Variants in ZFAND3 observed in about 807,000 individuals in gnomAD.
ZFAND3 encodes the protein zinc finger AN1-type containing 3.
Under a neutral mutation model 29.6 loss-of-function variants are expected in ZFAND3, and 10 were observed. That is an observed-to-expected ratio of 0.34 (90% CI 0.21 to 0.57). The LOEUF (loss-of-function observed/expected upper bound fraction) is 0.57. Among genes scored for constraint, ZFAND3 ranks in the 20% least tolerant of loss-of-function variants. The pLI is 0.86. For synonymous variants in ZFAND3, 128 were observed against 112.6 expected (o/e 1.14, Z -0.87); for missense variants, 230 against 304.5 (o/e 0.76, Z 1.82).
At chr6:38,070,354 G>A (rs574488424) in intron 3 of ZFAND3, among the ~76,000 whole-genome samples, 1 of 151,718 alleles carries the variant, frequency 6.6e-6, no homozygotes, top group African/African-American at 2.4e-5. Flanking sequence ...AACCCGAGAG[G>A]CGAAGGTTGC....
chr6:38,043,549 C>T (rs1340637200), intron 2 of ZFAND3, among the ~76,000 whole-genome samples: 1 of 149,718 alleles, frequency 6.7e-6, no homozygotes, highest in Non-Finnish European at 1.5e-5. Flanking sequence ...CCTTTTCTCC[C>T]CTCTTCCTCC....
intron 1 of ZFAND3, among the ~76,000 whole-genome samples, chr6:37,916,558 G>A (rs1385796006): frequency 1.3e-5 from 2 of 152,156 alleles, no homozygotes; most frequent in African/African-American, 4.8e-5. Context: ...TACTCAGGAG[G>A]CTGAGGCAGG....
chr6:37,835,543 A>G (rs1763951853), intron 1 of ZFAND3, among the ~76,000 whole-genome samples: 1 of 142,562 alleles, frequency 7.0e-6, no homozygotes, highest in Admixed American at 7.1e-5. Flanking sequence ...ATGGTTTTGT[A>G]TTATTTTAAA....
intron 2 of ZFAND3, among the ~76,000 whole-genome samples, chr6:37,943,559 A>G (rs986289854): frequency 5.3e-5 from 8 of 152,164 alleles, no homozygotes; most frequent in Non-Finnish European, 8.8e-5. Flanking sequence ...ATCTTTCTCA[A>G]AAATTATTTT....
chr6:38,121,233 A>G (rs758471220), intron 5 of ZFAND3, among the ~76,000 whole-genome samples: 3 of 152,168 alleles, frequency 2.0e-5, no homozygotes, highest in Non-Finnish European at 4.4e-5. Flanking sequence ...AATTATTGCC[A>G]GGCAAGATGG....
chr6:38,144,231 A>ATTT (rs67159019), intron 5 of ZFAND3, among the ~76,000 whole-genome samples: 9 of 75,272 alleles, frequency 1.2e-4, no homozygotes, highest in African/African-American at 3.4e-4. Context: ...ATATATATAT[A>ATTT]TTTTTTTTTT....
At chr6:37,982,919 C>T (rs748994177) in intron 2 of ZFAND3, among the ~76,000 whole-genome samples, 3 of 151,942 alleles carry the variant, frequency 2.0e-5, no homozygotes, top group Non-Finnish European at 4.4e-5. Context: ...TGATCCTTAC[C>T]CTGTGTTGAC....
At chr6:37,838,782 G>C (rs1764015942) in intron 1 of ZFAND3, among the ~76,000 whole-genome samples, 1 of 152,106 alleles carries the variant, frequency 6.6e-6, no homozygotes, top group South Asian at 2.1e-4. Context: ...GTGAACATTT[G>C]TTTACAAGTT....
intron 2 of ZFAND3, among the ~76,000 whole-genome samples, chr6:37,996,662 T>C (rs1326655807): frequency 1.3e-5 from 2 of 152,174 alleles, no homozygotes; most frequent in Non-Finnish European, 2.9e-5. Context: ...ACTAATATTG[T>C]AAGAGAAAAA....
intron 5 of ZFAND3, among the ~76,000 whole-genome samples, chr6:38,127,729 A>G (rs1487282948): frequency 1.3e-5 from 2 of 151,802 alleles, no homozygotes; most frequent in Non-Finnish European, 2.9e-5. Context: ...GAAAACCAAG[A>G]TCGAAAAGGT....
At chr6:37,947,882 T>C (rs1379898837) in intron 2 of ZFAND3, among the ~76,000 whole-genome samples, 1 of 152,220 alleles carries the variant, frequency 6.6e-6, no homozygotes, top group Non-Finnish European at 1.5e-5. Context: ...CATTGGAGCA[T>C]TTAGCTTAGT....
At chr6:37,916,541 TC>T (rs1047438046) in intron 1 of ZFAND3, among the ~76,000 whole-genome samples, 58 of 152,160 alleles carry the variant, frequency 3.8e-4, no homozygotes, top group Admixed American at 1.5e-3. Context: ...GTGCCTGTAA[TC>T]CCAGCTACTC....
At chr6:37,925,536 C>T (rs1316914379) in intron 1 of ZFAND3, among the ~76,000 whole-genome samples, 1 of 152,058 alleles carries the variant, frequency 6.6e-6, no homozygotes. Context: ...AAACCTGTCT[C>T]TACTAAAAAA....
At chr6:38,062,850 C>T (rs1053930546) in intron 3 of ZFAND3, among the ~76,000 whole-genome samples, 2 of 152,092 alleles carry the variant, frequency 1.3e-5, no homozygotes, top group East Asian at 3.9e-4. Context: ...CTCTACTTGG[C>T]CAAGCCAGGA....
In ZFAND3 at chr6:38,103,494, C is replaced by T. The variant is rs200236392; in HGVS notation, c.362-13078C>T. ...GTATATATATACACACATATATACACGTGTATATATATACACGTGTATATA... is the reference window on the plus strand; with the variant it reads ...GTATATATATACACACATATATACATGTGTATATATATACACGTGTATATA... On this transcript the variant is annotated intron_variant, in intron 4 of 5. Coordinates refer to ENST00000287218, the MANE Select transcript of ZFAND3 (RefSeq NM_021943.3). 2.3e-3 allele frequency among the ~76,000 whole-genome samples: 54 copies of T among 23,674 alleles called. No homozygotes were observed. In the East Asian group the frequency reaches 0.024, roughly 10 times the overall value. 15.5% of individuals were successfully genotyped at this position (23,674 alleles called of 152,430 possible). A position where few individuals can be genotyped will look rare whatever the true frequency, so the allele number is the denominator to read the frequency against.
intron 2 of ZFAND3, among the ~76,000 whole-genome samples, chr6:38,019,044 C>T (rs1763300193): frequency 1.3e-5 from 2 of 152,194 alleles, no homozygotes; most frequent in African/African-American, 4.8e-5. Flanking sequence ...CTCACTGCAA[C>T]CTCCACCTCC....
chr6:37,975,881 T>C (rs1393948575), intron 2 of ZFAND3, among the ~76,000 whole-genome samples: 1 of 152,214 alleles, frequency 6.6e-6, no homozygotes, highest in African/African-American at 2.4e-5. Context: ...TATTTCAATA[T>C]GAGTTTTAGC....
intron 1 of ZFAND3, among the ~76,000 whole-genome samples, chr6:37,870,746 C>T (rs1213585382): frequency 6.6e-6 from 1 of 151,978 alleles, no homozygotes; most frequent in Non-Finnish European, 1.5e-5. Flanking sequence ...GGCAGTGGTG[C>T]GATTATAGCT....
chr6:38,094,900 A>C (rs1440464251), intron 4 of ZFAND3, among the ~76,000 whole-genome samples: 4 of 152,046 alleles, frequency 2.6e-5, no homozygotes, highest in African/African-American at 4.8e-5. Context: ...AAATCTGAGA[A>C]TCCCAAATCT....
Sources: allele counts gnomAD v4.1 joint callset (sites outside exome capture counted in the v4.1 genomes callset), GRCh38; gene constraint gnomAD v4.1.1; transcripts MANE v1.5; gene names NCBI Gene and HGNC (gene_info 2026-07-23, HGNC 2026-07-21).